Variants in MS4A10 observed in about 807,000 individuals in gnomAD.
MS4A10 encodes the protein membrane-spanning 4-domains subfamily A member 10.
Under a neutral mutation model 27.7 loss-of-function variants are expected in MS4A10, and 27 were observed. That is an observed-to-expected ratio of 0.98 (90% CI 0.72 to 1.35). The LOEUF is 1.35. Among genes scored for constraint, MS4A10 ranks in the 40% most tolerant of loss-of-function variants. The pLI is 0.00. For missense variants in MS4A10, 338 were observed against 324.7 expected (o/e 1.04, Z -0.32); for synonymous variants, 139 against 131.2 (o/e 1.06, Z -0.41).
At chr11:60,797,725 G>A (rs1279664818) in intron 6 of MS4A10, among the ~76,000 whole-genome samples, 1 of 152,158 alleles carries the variant, frequency 6.6e-6, no homozygotes, top group Non-Finnish European at 1.5e-5. Flanking sequence ...TTAGAACATG[G>A]GTGTCTTCTG....
At position 60,797,701 on chromosome 11, in the gene MS4A10, C is replaced by T. The variant is rs538449829; in HGVS notation, c.604-695C>T. Among the ~76,000 whole-genome samples the T allele has an allele frequency of 7.3e-4, 111 of 152,304 alleles. 1 individual carries two copies. In the Middle Eastern group the frequency reaches 0.01, roughly 14 times the overall value. On this transcript the variant is annotated intron_variant, in intron 6 of 7. Coordinates refer to ENST00000308287, the MANE Select transcript of MS4A10 (RefSeq NM_206893.4). ...ATCTGCAACCTTAATTCCTCTCTGC[C>T]GTGTGACCAGAGATTAGAACATGGG...
Position 60,800,123 on chromosome 11 carries a change from A to ATTGTT in MS4A10, c.*226_*230dup, listed in dbSNP as rs1182368489. ...TGGCTCGATATCTGTGGTGGCCCAG[A>ATTGTT]TTGTTTTGTTTTGTTTCGCTTTGTT... On this transcript the variant is annotated 3_prime_UTR_variant, in exon 8 of 8. Coordinates refer to ENST00000308287, the MANE Select transcript of MS4A10 (RefSeq NM_206893.4). The ATTGTT allele has an allele frequency of 1.3e-5, 8 of 634,056 alleles. No individual in the cohort carries two copies. In the African/African-American group the frequency reaches 1.3e-4, roughly 10 times the overall value. 39.3% of individuals were successfully genotyped at this position (634,056 alleles called of 1,614,324 possible). A position where few individuals can be genotyped will look rare whatever the true frequency, so the allele number is the denominator to read the frequency against.
chr11:60,798,932 G>C (rs1488344995), intron 7 of MS4A10, among the ~76,000 whole-genome samples: 1 of 152,184 alleles, frequency 6.6e-6, no homozygotes, highest in Admixed American at 6.5e-5. Flanking sequence ...AGGAAGGAAG[G>C]TCTCCAGAGC....
chr11:60,795,481 C>T (rs1854511482), intron 5 of MS4A10, 74 bp from the exon 6 acceptor site: 10 of 972,312 alleles, frequency 1.0e-5, no homozygotes, highest in Middle Eastern at 3.2e-4. Flanking sequence ...GGACCCCTGC[C>T]TGGCTAAGCC....
In MS4A10 at chr11:60,794,467, G is replaced by A. The variant is rs985057184; in HGVS notation, c.492+364G>A. On this transcript the variant is annotated intron_variant, in intron 5 of 7. Coordinates refer to ENST00000308287, the MANE Select transcript of MS4A10 (RefSeq NM_206893.4). ...GTGTGCCTGGTGGCCCCTGTGATCCGGGAGCCTCCCATCAGCCTTGCAAAG... is the reference window on the plus strand; with the variant it reads ...GTGTGCCTGGTGGCCCCTGTGATCCAGGAGCCTCCCATCAGCCTTGCAAAG... Among the ~76,000 whole-genome samples, 5 of 152,296 alleles carry A rather than the reference G, an allele frequency of 3.3e-5. No individual in the cohort carries two copies. In the East Asian group the frequency reaches 5.8e-4, roughly 18 times the overall value.
chr11:60,790,453 A>G lies in MS4A10; in HGVS notation c.118A>G (p.Lys40Glu). 17 of 1,614,128 alleles carry G rather than the reference A, an allele frequency of 1.1e-5. No homozygotes were observed. The highest frequency in any genetic ancestry group is 1.4e-5 in the Non-Finnish European group (17 of 1,179,992). The change falls in exon 2 of 8, where the codon AAG (lysine) becomes GAG (glutamate). Residue 40 changes from lysine (K) to glutamate (E), a missense_variant. Lys to Glu is a moderately conservative substitution (Grantham distance 56, BLOSUM62 1). Coordinates refer to ENST00000308287, the MANE Select transcript of MS4A10 (RefSeq NM_206893.4). ...TSAPQNTTQP[K>E]LLAPHQHEKS... ...TGCACCCCAGAACACGACCCAGCCC[A>G]AGCTCCTGGCTCCACACCAGCACGA...
At chr11:60,797,981 T>C (rs561737307) in intron 6 of MS4A10, among the ~76,000 whole-genome samples, 1 of 152,324 alleles carries the variant, frequency 6.6e-6, no homozygotes, top group African/African-American at 2.4e-5. Context: ...GCCACCCTCA[T>C]CACTAATCAG....
chr11:60,799,244 C>T (rs1009367367), intron 7 of MS4A10, among the ~76,000 whole-genome samples: 2 of 152,188 alleles, frequency 1.3e-5, no homozygotes, highest in Non-Finnish European at 2.9e-5. Flanking sequence ...GCCAGTAAAA[C>T]TTCAGCCTCG....
Position 60,795,640 on chromosome 11 carries a change from G to A in MS4A10, c.578G>A (p.Trp193Ter). Residue 193 changes from tryptophan (W) to a stop codon, truncating the protein, a stop_gained, in exon 6 of 8, where the codon TGG (tryptophan) becomes TAG (stop). Coordinates refer to ENST00000308287, the MANE Select transcript of MS4A10 (RefSeq NM_206893.4). LOFTEE classifies it high-confidence loss of function. The part of the protein sequence containing the change: ...FLPVPTAVTA[W>*]RGDCPSAKND... ...CCAGTGCCCACAGCTGTCACAGCCT[G>A]GAGAGGGGACTGCCCATCTGCAAAG... 2 of 1,590,880 alleles carry A rather than the reference G, an allele frequency of 1.3e-6. No homozygotes were observed. The highest frequency in any genetic ancestry group is 1.7e-6 in the Non-Finnish European group (2 of 1,168,630).
rs1854615698 is a variant in MS4A10, at chr11:60,800,571, T to G, written c.*662T>G. 6.6e-6 allele frequency: 1 copy of G among 152,336 alleles called. No individual in the cohort carries two copies. The highest frequency in any genetic ancestry group is 1.5e-5 in the Non-Finnish European group (1 of 68,118). The allele number at this position is 152,336 out of a possible 1,614,324, so 9.4% of individuals were successfully genotyped here. ...AGAATATCCCTGGGGTTTGAGGTTC[T>G]TTGAATTCTCCCTCTTTGTCATCTC... is the stretch of plus-strand genomic sequence containing the variant. On this transcript the variant is annotated 3_prime_UTR_variant, in exon 8 of 8. Coordinates refer to ENST00000308287, the MANE Select transcript of MS4A10 (RefSeq NM_206893.4).
At position 60,792,256 on chromosome 11, in the gene MS4A10, G is replaced by T; in HGVS notation, c.304-9G>T. 6.2e-7 allele frequency: 1 copy of T among 1,612,874 alleles called. No homozygotes were observed. The highest frequency in any genetic ancestry group is 8.5e-7 in the Non-Finnish European group (1 of 1,178,918). ...CTTCTCTCCTTTGACTTTCAAATCTGTCCTGCAGTTTCTCATTTCAGGGAT... is the reference window on the plus strand; with the variant it reads ...CTTCTCTCCTTTGACTTTCAAATCTTTCCTGCAGTTTCTCATTTCAGGGAT... On this transcript the variant is annotated splice_polypyrimidine_tract_variant and intron_variant, in intron 3 of 7. Transcript: ENST00000308287.
At chr11:60,795,984 G>A (rs958651700) in intron 6 of MS4A10, among the ~76,000 whole-genome samples, 3 of 152,150 alleles carry the variant, frequency 2.0e-5, no homozygotes, top group Non-Finnish European at 2.9e-5. Context: ...TGATGACCGG[G>A]CAGGATTCGG....
intron 1 of MS4A10, among the ~76,000 whole-genome samples, chr11:60,789,415 C>T (rs1473191243): frequency 1.3e-5 from 2 of 152,316 alleles, no homozygotes; most frequent in East Asian, 1.9e-4. Context: ...CTAGTGCATC[C>T]CACGGCGTCA....
chr11:60,788,060 G>T (rs566467438), intron 1 of MS4A10, among the ~76,000 whole-genome samples: 11 of 149,994 alleles, frequency 7.3e-5, no homozygotes, highest in Admixed American at 2.6e-4. Context: ...AAATAATAAA[G>T]ATTATATGGC....
rs141894920 is a variant in MS4A10, at chr11:60,798,418, C to T, written c.626C>T (p.Pro209Leu). The T allele has an allele frequency of 5.7e-5, 92 of 1,613,992 alleles. No homozygotes were observed. In the African/African-American group the frequency reaches 9.9e-4, roughly 17 times the overall value. ...CAGAATGATGATGCATGCCTTGTTC[C>T]GAATACACCATTGCATCTCAAAGGC... ...SAKNDDACLVPNTPLHLKGLP... is the reference protein window; with the variant it reads ...SAKNDDACLVLNTPLHLKGLP... Residue 209 changes from proline (P) to leucine (L), a missense_variant, in exon 7 of 8, where the codon CCG becomes CTG. Pro to Leu is a moderately conservative substitution (Grantham distance 98). Coordinates refer to ENST00000308287, the MANE Select transcript of MS4A10 (RefSeq NM_206893.4).
At chr11:60,785,502 A>C (rs1368495031) in intron 1 of MS4A10, 81 bp downstream of exon 1, 1 of 152,278 alleles carries the variant, frequency 6.6e-6, no homozygotes, top group Non-Finnish European at 1.5e-5. Flanking sequence ...TCAGGTGTAC[A>C]GACCTGGTCC....
intron 1 of MS4A10, 94 bp from the exon 2 acceptor site, chr11:60,790,220 T>C (rs474435): frequency 0.99 from 1,048,298 of 1,054,442 alleles, 521,332 homozygotes; most frequent in East Asian, 1. Context: ...TGGAAAGATC[T>C]GGTCCCTTAA....
chr11:60,788,033 T>C (rs1590995464), intron 1 of MS4A10, among the ~76,000 whole-genome samples: 1 of 143,786 alleles, frequency 7.0e-6, no homozygotes, highest in African/African-American at 2.6e-5. Context: ...TAGAAATAAA[T>C]AAATAAATAA....
Position 60,792,284 on chromosome 11 carries a change from T to C in MS4A10, c.323T>C (p.Leu108Ser). 6.2e-7 allele frequency: 1 copy of C among 1,613,782 alleles called. No homozygotes were observed. Among genetic ancestry groups the C allele is most frequent in the Non-Finnish European group, 8.5e-7 (1 of 1,179,682 alleles). The change falls in exon 4 of 8, where the codon TTG becomes TCG. Residue 108 changes from leucine (L) to serine (S), a missense_variant. Physicochemically the swap from Leu to Ser is moderately radical, Grantham distance 145. Coordinates refer to ENST00000308287, the MANE Select transcript of MS4A10 (RefSeq NM_206893.4). ...CTGCAGTTTCTCATTTCAGGGATCT[T>C]GGCGATAACAATGAAGACCTTTTCT... ...GAASFLISGILAITMKTFSKT... is the reference protein window; with the variant it reads ...GAASFLISGISAITMKTFSKT...
Sources: gnomAD v4.1 joint callset for allele counts (sites outside exome capture counted in the v4.1 genomes callset) on GRCh38, gnomAD v4.1.1 for gene constraint, MANE v1.5 for transcripts, NCBI Gene and HGNC (gene_info 2026-07-23, HGNC 2026-07-21) for gene names.